Variants in SHCBP1L observed in about 807,000 individuals in gnomAD.
SHCBP1L encodes testicular spindle-associated protein SHCBP1L.
Under a neutral mutation model 62.5 loss-of-function variants are expected in SHCBP1L, and 67 were observed. The ratio of observed to expected loss-of-function variants is 1.07; its 90% CI spans 0.88 to 1.31. The LOEUF (loss-of-function observed/expected upper bound fraction) is 1.31, where lower values mean the gene tolerates loss of function less well. Among genes scored for constraint, SHCBP1L ranks in the 40% most tolerant of loss-of-function variants. The probability of loss-of-function intolerance (pLI) is 0.00; values close to 1 mark genes in which losing one functional copy is unlikely to be tolerated. For synonymous variants in SHCBP1L, 284 were observed against 289.4 expected, an observed-to-expected ratio of 0.98 and a Z score of 0.19; for missense variants, 823 against 809.8, an observed-to-expected ratio of 1.02 and a Z score of -0.20.
chr1:182,929,761 G>C lies in SHCBP1L; in HGVS notation c.1077-9C>G. On this transcript the variant is annotated splice_polypyrimidine_tract_variant and intron_variant, in intron 5 of 9. Transcript: ENST00000367547. ...AGAAAGGTCCATGAACTCTATAGTT[G>C]AAAATATTTAGTTATAATTAAATTA... 1.3e-6 allele frequency: 2 copies of C among 1,524,006 alleles called. No homozygotes were observed. The highest frequency in any genetic ancestry group is 8.9e-7 in the Non-Finnish European group (1 of 1,126,346). The allele number at this position is 1,524,006 out of a possible 1,614,324, so 94.4% of individuals were successfully genotyped here.
chr1:182,909,642 G>C (rs1023804255), intron 6 of SHCBP1L, among the ~76,000 whole-genome samples: 3 of 152,182 alleles, frequency 2.0e-5, no homozygotes, highest in African/African-American at 4.8e-5. Flanking sequence ...TGAGTATATG[G>C]AGAGCAGACT....
At chr1:182,932,468 A>ATTATTTACTTATTTATTTAT (rs774122504) in intron 5 of SHCBP1L, among the ~76,000 whole-genome samples, 1 of 151,028 alleles carries the variant, frequency 6.6e-6, no homozygotes, top group African/African-American at 2.4e-5. Flanking sequence ...ATGGAATTTT[A>ATTATTTACTTATTTATTTAT]TTATTTATTT....
chr1:182,930,545 G>A (rs1650934624), intron 5 of SHCBP1L, among the ~76,000 whole-genome samples: 1 of 62,882 alleles, frequency 1.6e-5, no homozygotes, highest in African/African-American at 1.4e-4. Flanking sequence ...TGGCTTTAGT[G>A]TGTGTGTATA....
intron 6 of SHCBP1L, among the ~76,000 whole-genome samples, chr1:182,911,167 G>A (rs1650175261): frequency 6.6e-6 from 1 of 152,152 alleles, no homozygotes; most frequent in East Asian, 1.9e-4. Context: ...TGGGATTACA[G>A]GTGTAAGCCA....
At chr1:182,941,517 A>G (rs1408921179) in intron 2 of SHCBP1L, among the ~76,000 whole-genome samples, 2 of 152,316 alleles carry the variant, frequency 1.3e-5, no homozygotes, top group Admixed American at 6.5e-5. Flanking sequence ...CAGCTGTTAC[A>G]TACAGCCCAC....
At position 182,899,923 on chromosome 1, in the gene SHCBP1L, T is replaced by C. The variant is rs908857856; in HGVS notation, c.*60A>G. 1.4e-6 allele frequency: 2 copies of C among 1,408,074 alleles called. No homozygotes were observed. The highest frequency in any genetic ancestry group is 2.9e-5 in the African/African-American group (2 of 69,146). 87.2% of individuals were successfully genotyped at this position (1,408,074 alleles called of 1,614,324 possible). On this transcript the variant is annotated 3_prime_UTR_variant, in exon 10 of 10. Coordinates refer to ENST00000367547, the MANE Select transcript of SHCBP1L (RefSeq NM_030933.4). ...TTGAAACTACCATTTCAGTGGGGTA[T>C]GAGAATCATGTATTAAACAAATTTG...
chr1:182,908,611 G>A (rs1260985341), intron 6 of SHCBP1L, among the ~76,000 whole-genome samples: 1 of 152,094 alleles, frequency 6.6e-6, no homozygotes, highest in Non-Finnish European at 1.5e-5. Context: ...GTATCAAACA[G>A]ATATATTACA....
chr1:182,917,747 G>C (rs1376017697), intron 6 of SHCBP1L, among the ~76,000 whole-genome samples: 1 of 152,096 alleles, frequency 6.6e-6, no homozygotes, highest in African/African-American at 2.4e-5. Context: ...AGTCAGACTG[G>C]AGGAGGGCCA....
chr1:182,909,034 C>A (rs1650100035), intron 6 of SHCBP1L, among the ~76,000 whole-genome samples: 1 of 152,166 alleles, frequency 6.6e-6, no homozygotes, highest in Non-Finnish European at 1.5e-5. Context: ...CCTACAAACT[C>A]ATTTGTGCAG....
At position 182,903,157 on chromosome 1, in the gene SHCBP1L, G is replaced by A; in HGVS notation, c.1592C>T (p.Ala531Val). The A allele has an allele frequency of 6.5e-7, 1 of 1,543,716 alleles. No individual in the cohort carries two copies. The highest frequency in any genetic ancestry group is 8.7e-7 in the Non-Finnish European group (1 of 1,147,946). The change falls in exon 9 of 10, where the codon GCT (alanine) becomes GTT (valine). Residue 531 changes from alanine to valine, a missense_variant. Coordinates refer to ENST00000367547, the MANE Select transcript of SHCBP1L (RefSeq NM_030933.4). ...TDSEITGAQG[A>V]GVELYPGSIA... ...GCTTCCAGGATACAGTTCAACACCA[G>A]CACCCTGTAAATTAAAAGCAAATAA...
In SHCBP1L at chr1:182,900,106, A is replaced by C; in HGVS notation, c.1839T>G (p.Ala613=). ...TATCATCTTTTTTATCTCCTGAAGA[A>C]GCCCTTTTGTTGAGAGCTTCTTCTG... The part of the protein sequence containing the change: ...IVAEEALNKR[A]SSGDKKDDKM... The change falls in exon 10 of 10, where the codon GCT becomes GCG. Residue 613 remains alanine, a synonymous_variant. Coordinates refer to ENST00000367547, the MANE Select transcript of SHCBP1L (RefSeq NM_030933.4). 6.2e-7 allele frequency: 1 copy of C among 1,612,736 alleles called. No individual in the cohort carries two copies. The highest frequency in any genetic ancestry group is 8.5e-7 in the Non-Finnish European group (1 of 1,179,250).
At chr1:182,915,508 T>A (rs1650329783) in intron 6 of SHCBP1L, among the ~76,000 whole-genome samples, 1 of 152,170 alleles carries the variant, frequency 6.6e-6, no homozygotes, top group Non-Finnish European at 1.5e-5. Flanking sequence ...TCTATACCAC[T>A]TTCAAAAATA....
At chr1:182,949,424 A>C (rs1055978922) in intron 2 of SHCBP1L, among the ~76,000 whole-genome samples, 4 of 152,162 alleles carry the variant, frequency 2.6e-5, no homozygotes, top group African/African-American at 7.2e-5. Context: ...CTGGCTGGGC[A>C]TGGTGGCTCT....
At chr1:182,901,442 A>G (rs1174381373) in intron 9 of SHCBP1L, among the ~76,000 whole-genome samples, 1 of 152,112 alleles carries the variant, frequency 6.6e-6, no homozygotes, top group Non-Finnish European at 1.5e-5. Flanking sequence ...GGGCAACAAG[A>G]GCAAAACTCC....
chr1:182,944,659 T>TA (rs1236688660), intron 2 of SHCBP1L, among the ~76,000 whole-genome samples: 1 of 152,192 alleles, frequency 6.6e-6, no homozygotes, highest in African/African-American at 2.4e-5. Context: ...TATTGCTACT[T>TA]AAAGTTTTGT....
intron 3 of SHCBP1L, among the ~76,000 whole-genome samples, chr1:182,939,804 A>C (rs542153980): frequency 6.6e-6 from 1 of 152,282 alleles, no homozygotes; most frequent in African/African-American, 2.4e-5. Flanking sequence ...GATTTTGGCT[A>C]TTATTTGCTC....
In SHCBP1L at chr1:182,939,059, T is replaced by C. The variant is rs796826276; in HGVS notation, c.1076+117A>G. 5 of 744,466 alleles carry C rather than the reference T, an allele frequency of 6.7e-6. No individual in the cohort carries two copies. In the African/African-American group the frequency reaches 7.1e-5, roughly 11 times the overall value. 46.1% of individuals were successfully genotyped at this position (744,466 alleles called of 1,614,324 possible). A position where few individuals can be genotyped will look rare whatever the true frequency, so the allele number is the denominator to read the frequency against. ...TTGTACCTTGTGCTTACCTCATAAA[T>C]TAGACATCTAATTTTATACTTCACT... On this transcript the variant is annotated intron_variant, in intron 5 of 9. Coordinates refer to ENST00000367547, the MANE Select transcript of SHCBP1L (RefSeq NM_030933.4).
chr1:182,919,832 T>C (rs1650473126), intron 6 of SHCBP1L, among the ~76,000 whole-genome samples: 1 of 152,192 alleles, frequency 6.6e-6, no homozygotes, highest in Non-Finnish European at 1.5e-5. Context: ...GATCTGAAAG[T>C]TGGAGGCCAT....
At chr1:182,908,653 G>A (rs1316675853) in intron 6 of SHCBP1L, among the ~76,000 whole-genome samples, 3 of 152,072 alleles carry the variant, frequency 2.0e-5, no homozygotes, top group African/African-American at 7.2e-5. Context: ...CTCTTATTTG[G>A]ATGGTTTATG....
Sources: allele counts gnomAD v4.1 joint callset (sites outside exome capture counted in the v4.1 genomes callset), GRCh38; gene constraint gnomAD v4.1.1; transcripts MANE v1.5; gene names NCBI Gene and HGNC (gene_info 2026-07-23, HGNC 2026-07-21).